The following GPATCH2 variants were observed in gnomAD, a reference collection of about 807,000 sequenced individuals.
GPATCH2 encodes G patch domain-containing protein 2.
Under a neutral mutation model 58.0 loss-of-function variants are expected in GPATCH2, and 51 were observed. The ratio of observed to expected loss-of-function variants is 0.88; its 90% CI spans 0.70 to 1.11. The LOEUF (loss-of-function observed/expected upper bound fraction) is 1.11. Among genes scored for constraint, GPATCH2 ranks in the 50% most tolerant of loss-of-function variants. The pLI is 0.00. For synonymous variants in GPATCH2, 222 were observed against 218.5 expected, an observed-to-expected ratio of 1.02 and a Z score of -0.14; for missense variants, 625 against 652.2, an observed-to-expected ratio of 0.96 and a Z score of 0.45.
intron 5 of GPATCH2, among the ~76,000 whole-genome samples, chr1:217,600,965 C>G (rs1417325107): frequency 6.6e-6 from 1 of 151,870 alleles, no homozygotes. Flanking sequence ...ATCTCGAAAA[C>G]AAAACAGTAA....
intron 5 of GPATCH2, among the ~76,000 whole-genome samples, chr1:217,562,792 G>A (rs186534211): frequency 1.2e-3 from 183 of 152,128 alleles, no homozygotes; most frequent in African/African-American, 4.1e-3. Context: ...CTGTTAAAAC[G>A]GGATAATACT....
chr1:217,538,220 G>A (rs1429019600), intron 5 of GPATCH2, among the ~76,000 whole-genome samples: 1 of 152,158 alleles, frequency 6.6e-6, no homozygotes, highest in Non-Finnish European at 1.5e-5. Context: ...CTAATGATGT[G>A]ACTCACATAC....
chr1:217,438,632 T>C (rs571794422), intron 9 of GPATCH2, among the ~76,000 whole-genome samples: 6 of 151,948 alleles, frequency 3.9e-5, no homozygotes, highest in Admixed American at 3.3e-4. Flanking sequence ...TTGAAGATCA[T>C]CTAAATGAAA....
chr1:217,620,874 A>T (rs1331920934), intron 1 of GPATCH2, among the ~76,000 whole-genome samples: 1 of 152,208 alleles, frequency 6.6e-6, no homozygotes, highest in Non-Finnish European at 1.5e-5. Context: ...GAACTTTCTC[A>T]GTCCCCTCTT....
chr1:217,624,912 T>C (rs1337816317), intron 1 of GPATCH2, among the ~76,000 whole-genome samples: 6 of 152,238 alleles, frequency 3.9e-5, no homozygotes, highest in African/African-American at 1.2e-4. Context: ...ATCAATAGTT[T>C]TATTAAAATA....
intron 5 of GPATCH2, among the ~76,000 whole-genome samples, chr1:217,516,227 AT>A (rs11339997): frequency 0.68 from 95,383 of 140,916 alleles, 30,719 homozygotes; most frequent in East Asian, 0.92. Flanking sequence ...TTCCATTTTA[AT>A]TTTAAAAAAA....
intron 6 of GPATCH2, among the ~76,000 whole-genome samples, chr1:217,499,380 C>T (rs969728120): frequency 6.6e-6 from 1 of 152,130 alleles, no homozygotes. Flanking sequence ...AGCTTACTTG[C>T]ATAAGGTGTG....
At chr1:217,584,364 T>TATATATATAC (rs1226981154) in intron 5 of GPATCH2, among the ~76,000 whole-genome samples, 15 of 121,552 alleles carry the variant, frequency 1.2e-4, no homozygotes, top group African/African-American at 4.6e-4. Flanking sequence ...TATATATATA[T>TATATATATAC]ACACACACAC....
chr1:217,513,713 C>G (rs1267842187), intron 6 of GPATCH2, among the ~76,000 whole-genome samples: 1 of 152,082 alleles, frequency 6.6e-6, no homozygotes, highest in African/African-American at 2.4e-5. Flanking sequence ...AGTAAGTAGT[C>G]TCTTCCTTTT....
At position 217,473,046 on chromosome 1, in the gene GPATCH2, CA is replaced by C. The variant is rs1043422516; in HGVS notation, c.1277+18633del. 4.6e-5 allele frequency among the ~76,000 whole-genome samples: 7 copies of C among 152,284 alleles called. No homozygotes were observed. In the Middle Eastern group the frequency reaches 0.01, roughly 222 times the overall value. ...CATGTGTGGAGGAAACTATCAGTCC[CA>C]GGCAGCTTTCCTGAGCCTTGGGAGG... is the stretch of plus-strand genomic sequence containing the variant. On this transcript the variant is annotated intron_variant, in intron 8 of 9. Transcript: ENST00000366935.
intron 8 of GPATCH2, among the ~76,000 whole-genome samples, chr1:217,456,145 A>G (rs1472666451): frequency 2.6e-5 from 4 of 152,102 alleles, no homozygotes; most frequent in African/African-American, 4.8e-5. Flanking sequence ...GGACCTGGGT[A>G]CCAAGAGGGC....
intron 9 of GPATCH2, among the ~76,000 whole-genome samples, chr1:217,441,321 G>C (rs971541422): frequency 6.7e-6 from 1 of 149,442 alleles, no homozygotes; most frequent in Non-Finnish European, 1.5e-5. Context: ...AACTGAAACT[G>C]GACCCCTTCC....
chr1:217,591,520 A>G (rs1471386064), intron 5 of GPATCH2, among the ~76,000 whole-genome samples: 1 of 152,130 alleles, frequency 6.6e-6, no homozygotes, highest in Non-Finnish European at 1.5e-5. Flanking sequence ...CCTGGCTAAT[A>G]TCTTATTATG....
chr1:217,458,468 A>G (rs1660057378), intron 8 of GPATCH2, among the ~76,000 whole-genome samples: 1 of 152,196 alleles, frequency 6.6e-6, no homozygotes, highest in South Asian at 2.1e-4. Flanking sequence ...CTTCTTTACC[A>G]TATGTAAATG....
intron 1 of GPATCH2, among the ~76,000 whole-genome samples, chr1:217,622,274 A>G (rs1189325921): frequency 6.6e-6 from 1 of 152,232 alleles, no homozygotes; most frequent in Non-Finnish European, 1.5e-5. Flanking sequence ...AGCTGGTGAA[A>G]GTAAACTGAG....
At chr1:217,542,372 C>T (rs1267730098) in intron 5 of GPATCH2, among the ~76,000 whole-genome samples, 1 of 152,212 alleles carries the variant, frequency 6.6e-6, no homozygotes, top group East Asian at 1.9e-4. Flanking sequence ...ATGCTATGCC[C>T]ATTATAGTTG....
chr1:217,563,594 C>A (rs988293477), intron 5 of GPATCH2, among the ~76,000 whole-genome samples: 2 of 152,002 alleles, frequency 1.3e-5, no homozygotes, highest in African/African-American at 4.8e-5. Context: ...ATTTTCAATA[C>A]CTAAAAAAGC....
At chr1:217,491,574 A>G (rs1171763448) in intron 8 of GPATCH2, 106 bp downstream of exon 8, 1 of 517,562 alleles carries the variant, frequency 1.9e-6, no homozygotes, top group Middle Eastern at 4.8e-4. Flanking sequence ...AAATATTTTA[A>G]GGTGACTTTT....
chr1:217,475,781 G>A (rs962605747), intron 8 of GPATCH2, among the ~76,000 whole-genome samples: 1 of 152,032 alleles, frequency 6.6e-6, no homozygotes, highest in African/African-American at 2.4e-5. Flanking sequence ...TAAGAATAAA[G>A]ACATTTTGAG....
Sources: allele counts gnomAD v4.1 joint callset (sites outside exome capture counted in the v4.1 genomes callset), GRCh38; gene constraint gnomAD v4.1.1; transcripts MANE v1.5; gene names NCBI Gene and HGNC (gene_info 2026-07-23, HGNC 2026-07-21).